FLT4: variants seen among roughly 807,000 people sequenced by gnomAD.
The protein encoded by FLT4 is vascular endothelial growth factor receptor 3.
A neutral mutation model predicts 163.2 loss-of-function variants in FLT4; 30 were observed. The ratio of observed to expected loss-of-function variants is 0.18; its 90% CI spans 0.14 to 0.25. The LOEUF (loss-of-function observed/expected upper bound fraction) is 0.25, where lower values mean the gene tolerates loss of function less well. FLT4 is among the 10% of genes least tolerant of loss of function. FLT4 has a pLI of 1.00. For synonymous variants in FLT4, 884 were observed against 789.5 expected, an observed-to-expected ratio of 1.12 and a Z score of -2.01; for missense variants, 1,510 against 1,863.8, an observed-to-expected ratio of 0.81 and a Z score of 3.50.
chr5:180,623,556 C>G lies in FLT4; in HGVS notation c.1548+379G>C, dbSNP rs942822290. 1.3e-5 allele frequency among the ~76,000 whole-genome samples: 2 copies of G among 152,182 alleles called. No individual in the cohort carries two copies. Among genetic ancestry groups the G allele is most frequent in the Admixed American group, 6.5e-5 (1 of 15,278 alleles). On this transcript the variant is annotated intron_variant, in intron 11 of 29. Coordinates refer to ENST00000261937, the MANE Select transcript of FLT4 (RefSeq NM_182925.5). This position sits in a 1 kb window ranked among gnomAD's most constrained non-coding sequence, Gnocchi z 5.8. ...AAGTAGGTGCCTTTGTTCAGTACCC[C>G]CTTCTCGGCGTTGCCCCCAGGCTGC...
rs1387636006 is a variant in FLT4 at position 180,612,571 on chromosome 5, C to T, written c.3472G>A (p.Ala1158Thr). The T allele has an allele frequency of 1.2e-6, 2 of 1,614,092 alleles. No homozygotes were observed. The highest frequency in any genetic ancestry group is 1.7e-6 in the Non-Finnish European group (2 of 1,179,962). The change falls in exon 26 of 30, where the codon GCG (alanine) becomes ACG (threonine). Residue 1158 changes from alanine to threonine, a missense_variant. By Grantham distance (58) the Ala-to-Thr change is moderately conservative. Transcript: ENST00000261937. Reference sequence around the variant, plus strand: ...ACCAGCTCCGAGAATGCAGGTCTCGCCTTGGGGTCTCCGGACCAGCAGTTC... The same window carrying T: ...ACCAGCTCCGAGAATGCAGGTCTCGTCTTGGGGTCTCCGGACCAGCAGTTC... ...MLNCWSGDPK[A>T]RPAFSELVEI...
chr5:180,612,356 G>A (rs1004912441), intron 26 of FLT4, 150 bp downstream of exon 26: 14 of 693,220 alleles, frequency 2.0e-5, no homozygotes, highest in Middle Eastern at 3.2e-4. Flanking sequence ...GTGTGGGGAC[G>A]AGGTGTGGAT....
At chr5:180,614,019 G>T in intron 24 of FLT4, 49 bp downstream of exon 24, 3 of 1,308,032 alleles carry the variant, frequency 2.3e-6, no homozygotes, top group South Asian at 1.2e-5. Flanking sequence ...GTAACCTGCC[G>T]CCAGTGACCT....
chr5:180,638,012 T>C (rs1328655534), intron 1 of FLT4, among the ~76,000 whole-genome samples: 3 of 152,102 alleles, frequency 2.0e-5, no homozygotes, highest in African/African-American at 7.2e-5. Context: ...GGGGCTCTTA[T>C]GACCTCCAGG....
intron 23 of FLT4, among the ~76,000 whole-genome samples, chr5:180,614,941 T>C (rs1762522347): frequency 6.6e-6 from 1 of 152,122 alleles, no homozygotes; most frequent in Non-Finnish European, 1.5e-5. Flanking sequence ...CCTGCTGCCC[T>C]GCCTGAGCTC....
intron 1 of FLT4, among the ~76,000 whole-genome samples, chr5:180,648,557 T>C (rs1315075252): frequency 6.6e-6 from 1 of 152,056 alleles, no homozygotes; most frequent in African/African-American, 2.4e-5. Context: ...ACCCCGCCCT[T>C]ACACCCTTTG....
At position 180,626,068 on chromosome 5, in the gene FLT4, A is replaced by G. The variant is rs754423794; in HGVS notation, c.1259-37T>C. The G allele has an allele frequency of 7.0e-5, 113 of 1,612,592 alleles. 2 individuals carry two copies. The South Asian group carries it at 1.2e-3, about 18-fold the overall frequency. ...CAGATGGCCGGTCAGCTGGCCTCCA[A>G]TGCCAGGCCGCCCACCCGTGCGCTC... On this transcript the variant is annotated intron_variant, in intron 9 of 29. Coordinates refer to ENST00000261937, the MANE Select transcript of FLT4 (RefSeq NM_182925.5).
rs376505125 is a variant in FLT4, at chr5:180,630,738, T to C, written c.217A>G (p.Lys73Glu). Residue 73 changes from lysine to glutamate, a missense_variant, in exon 3 of 30, where the codon AAG becomes GAG. Around this residue, in one of 5 missense-constraint regions of FLT4, gnomAD observed 157 missense variants for 178.7 expected, o/e 0.88. Transcript: ENST00000261937. This position sits in a 1 kb window ranked among gnomAD's most constrained non-coding sequence, Gnocchi z 6.3. ...ACCACCCCCGTGTCCTCGCTGTCCT[T>C]GTCTCCGGTGGCTGGCGCCTCCTGA... Reference protein sequence around the residue: ...GAQEAPATGDKDSEDTGVVRD... With the variant: ...GAQEAPATGDEDSEDTGVVRD... 6 of 1,610,766 alleles carry C rather than the reference T, an allele frequency of 3.7e-6. No homozygotes were observed. Among genetic ancestry groups the C allele is most frequent in the Non-Finnish European group, 5.1e-6 (6 of 1,179,882 alleles).
At chr5:180,633,408 T>A (rs1764323571) in intron 1 of FLT4, among the ~76,000 whole-genome samples, 1 of 152,128 alleles carries the variant, frequency 6.6e-6, no homozygotes, top group Non-Finnish European at 1.5e-5. Context: ...GAGTCTTTGC[T>A]TTGCCAGCCC....
intron 1 of FLT4, among the ~76,000 whole-genome samples, chr5:180,644,329 C>T (rs1003367480): frequency 1.3e-5 from 2 of 152,182 alleles, no homozygotes; most frequent in Non-Finnish European, 2.9e-5. Flanking sequence ...CGGAGGGGCA[C>T]GCCGGGCGTG....
At chr5:180,645,571 C>T (rs946775474) in intron 1 of FLT4, among the ~76,000 whole-genome samples, 3 of 152,196 alleles carry the variant, frequency 2.0e-5, no homozygotes, top group Non-Finnish European at 2.9e-5. Context: ...CTGACCTCGC[C>T]GGCCACGTGG....
At chr5:180,642,780 TGGA>T (rs1490397084) in intron 1 of FLT4, among the ~76,000 whole-genome samples, 1 of 152,138 alleles carries the variant, frequency 6.6e-6, no homozygotes, top group Non-Finnish European at 1.5e-5. Context: ...GGAGAGAATG[TGGA>T]GAAGGAGGCA....
At chr5:180,634,985 GCTGA>G (rs1197817695) in intron 1 of FLT4, among the ~76,000 whole-genome samples, 3 of 1,420 alleles carry the variant, frequency 2.1e-3, no homozygotes, top group African/African-American at 4.0e-3. Context: ...TGGGTGGGTG[GCTGA>G]GAGGATGGAT....
At position 180,621,705 on chromosome 5, in the gene FLT4, A is replaced by G. The variant is rs745967888; in HGVS notation, c.1857T>C (p.Pro619=). 2.5e-6 allele frequency: 4 copies of G among 1,612,758 alleles called. No individual in the cohort carries two copies. Among genetic ancestry groups the G allele is most frequent in the Non-Finnish European group, 3.4e-6 (4 of 1,179,890 alleles). Reference sequence around the variant, plus strand: ...CCACCTCCTCCAGGCTGGCGGCCAGAGGGGTGGCGAACAGATGCACGTTCT... The same window carrying G: ...CCACCTCCTCCAGGCTGGCGGCCAGGGGGGTGGCGAACAGATGCACGTTCT... The part of the protein sequence containing the change: ...DCKNVHLFAT[P]LAASLEEVAP... The change falls in exon 13 of 30, where the codon CCT becomes CCC. Residue 619 remains proline (P), a synonymous_variant. Transcript: ENST00000261937.
chr5:180,615,344 G>T (rs1185817676), intron 23 of FLT4, among the ~76,000 whole-genome samples: 1 of 146,504 alleles, frequency 6.8e-6, no homozygotes, highest in African/African-American at 2.6e-5. Context: ...ACTGGGCCCC[G>T]CTGGTCACCT....
intron 27 of FLT4, 63 bp from the exon 28 acceptor site, chr5:180,610,088 C>T: frequency 6.2e-7 from 1 of 1,610,244 alleles, no homozygotes. Context: ...GAACTTCTCT[C>T]CACTGTCCCT....
intron 1 of FLT4, among the ~76,000 whole-genome samples, chr5:180,640,302 A>C (rs1765008149): frequency 6.6e-6 from 1 of 152,186 alleles, no homozygotes; most frequent in African/African-American, 2.4e-5. Context: ...GAGGAAACTG[A>C]GGCGCCAGGC....
intron 29 of FLT4, among the ~76,000 whole-genome samples, chr5:180,604,863 GT>G (rs1761704827): frequency 6.6e-6 from 1 of 152,088 alleles, no homozygotes; most frequent in Non-Finnish European, 1.5e-5. Flanking sequence ...CCTCTTTTCA[GT>G]TTTGTTTTCC....
chr5:180,608,950 G>A lies in FLT4; in HGVS notation c.3893+18C>T. ...CAACATCGATACCTGCAGTGCAGGA[G>A]GCTCACGAAGCCCTTACCTGAAGCC... On this transcript the variant is annotated intron_variant, in intron 29 of 29. Transcript: ENST00000261937. The A allele has an allele frequency of 1.9e-6, 3 of 1,601,708 alleles. No individual in the cohort carries two copies. The highest frequency in any genetic ancestry group is 1.7e-6 in the Non-Finnish European group (2 of 1,168,622).
Sources: gnomAD v4.1 joint callset for allele counts (sites outside exome capture counted in the v4.1 genomes callset) on GRCh38, gnomAD v4.1.1 for gene constraint, gnomAD v4.1.1 regional missense constraint, Gnocchi (gnomAD v3.1) non-coding constraint, MANE v1.5 for transcripts, NCBI Gene and HGNC (gene_info 2026-07-23, HGNC 2026-07-21) for gene names.